ECPAS: variants seen among roughly 807,000 people sequenced by gnomAD.
ECPAS encodes proteasome adapter and scaffold protein ECM29.
Under a neutral mutation model 255.1 loss-of-function variants are expected in ECPAS, and 70 were observed. The ratio of observed to expected loss-of-function variants is 0.27; its 90% confidence interval spans 0.23 to 0.33. The LOEUF (loss-of-function observed/expected upper bound fraction) is 0.33, where lower values mean the gene tolerates loss of function less well. ECPAS is among the 10% of genes least tolerant of loss of function. The probability of loss-of-function intolerance (pLI) is 1.00; values close to 1 mark genes in which losing one functional copy is unlikely to be tolerated. For missense variants in ECPAS, 1,817 were observed against 2,206.4 expected (o/e 0.82, Z 3.54); for synonymous variants, 784 against 775.0 (o/e 1.01, Z -0.19).
intron 39 of ECPAS, among the ~76,000 whole-genome samples, 175 bp downstream of exon 39, chr9:111,373,796 TG>T (rs201739220): frequency 0.024 from 3,611 of 152,248 alleles, 146 homozygotes; most frequent in African/African-American, 0.082. Context: ...CTGCTAAACT[TG>T]ATAAACTCTG....
intron 9 of ECPAS, among the ~76,000 whole-genome samples, chr9:111,429,203 TAA>T (rs1279086315): frequency 6.6e-6 from 1 of 152,216 alleles, no homozygotes. Context: ...ACTCTTCAAG[TAA>T]AGTCATTTTT....
At chr9:111,456,106 A>T (rs186170722) in intron 2 of ECPAS, among the ~76,000 whole-genome samples, 28 of 152,352 alleles carry the variant, frequency 1.8e-4, no homozygotes, top group Middle Eastern at 6.8e-3. Context: ...GTAGGAAACA[A>T]GTCTTTGGTG....
Position 111,411,198 on chromosome 9 carries a change from T to C in ECPAS, c.2215-56A>G, listed in dbSNP as rs1014953233. Reference sequence around the variant, plus strand: ...TGGCTCTCTCTCATATACGCAAGAATACATGGCAGTAACTGTGTGTCGATT... The same window carrying C: ...TGGCTCTCTCTCATATACGCAAGAACACATGGCAGTAACTGTGTGTCGATT... On this transcript the variant is annotated intron_variant, in intron 21 of 49. Coordinates refer to ENST00000684092, the MANE Select transcript of ECPAS (RefSeq NM_001364929.1). The C allele has an allele frequency of 3.9e-6, 6 of 1,536,088 alleles. No individual in the cohort carries two copies. The Admixed American group carries it at 6.9e-5, about 18-fold the overall frequency.
intron 38 of ECPAS, 130 bp from the exon 39 acceptor site, chr9:111,374,168 T>C (rs2098130740): frequency 5.0e-6 from 3 of 605,842 alleles, no homozygotes; most frequent in African/African-American, 1.8e-5. Flanking sequence ...CAGGACTCAA[T>C]ATAGAAAAAG....
chr9:111,445,645 G>A (rs903653186), intron 3 of ECPAS, among the ~76,000 whole-genome samples: 1 of 152,062 alleles, frequency 6.6e-6, no homozygotes, highest in Non-Finnish European at 1.5e-5. Flanking sequence ...AAATACTGAG[G>A]CATTTTTATT....
intron 7 of ECPAS, among the ~76,000 whole-genome samples, chr9:111,436,668 G>A (rs2098238603): frequency 6.6e-6 from 1 of 151,934 alleles, no homozygotes; most frequent in Admixed American, 6.6e-5. Flanking sequence ...AATGACAAAA[G>A]TTAAACATAT....
At chr9:111,384,901 T>G (rs1259627960) in intron 33 of ECPAS, among the ~76,000 whole-genome samples, 3 of 151,220 alleles carry the variant, frequency 2.0e-5, no homozygotes, top group African/African-American at 7.4e-5. Context: ...CTCCAATAAA[T>G]AAAGCAAAAA....
rs1394654786 is a variant in ECPAS at position 111,437,037 on chromosome 9, C to T, written c.611G>A (p.Gly204Glu). Reference protein sequence around the residue: ...SAQGSSSNSGGGSGIPQPPPG... With the variant: ...SAQGSSSNSGEGSGIPQPPPG... Reference sequence around the variant, plus strand: ...AGGAGGCTGTGGGATTCCAGAACCTCCGCCACTGTTTGAAGAAGAACCCTG... The same window carrying T: ...AGGAGGCTGTGGGATTCCAGAACCTTCGCCACTGTTTGAAGAAGAACCCTG... Residue 204 changes from glycine (G) to glutamate (E), a missense_variant, in exon 7 of 50, where the codon GGA becomes GAA. Around this residue, in one of 4 missense-constraint regions of ECPAS, gnomAD observed 573 missense variants for 716.2 expected, o/e 0.80. Coordinates refer to ENST00000684092, the MANE Select transcript of ECPAS (RefSeq NM_001364929.1). 1 of 1,613,016 alleles carries T rather than the reference C, an allele frequency of 6.2e-7. No individual in the cohort carries two copies. The highest frequency in any genetic ancestry group is 1.7e-5 in the Admixed American group (1 of 59,828).
chr9:111,461,979 G>C (rs763147390), intron 2 of ECPAS, among the ~76,000 whole-genome samples: 16 of 152,178 alleles, frequency 1.1e-4, no homozygotes, highest in Non-Finnish European at 1.5e-4. Flanking sequence ...TCACTCCCAT[G>C]ATTCAATCAT....
At chr9:111,479,216 G>A (rs1330465045) in intron 1 of ECPAS, among the ~76,000 whole-genome samples, 1 of 152,140 alleles carries the variant, frequency 6.6e-6, no homozygotes, top group Non-Finnish European at 1.5e-5. Context: ...AATATTTAGG[G>A]GGAAGGTGTG....
chr9:111,421,409 ATGTGTGTGTGTGTGTGTG>A (rs71372622), intron 15 of ECPAS, among the ~76,000 whole-genome samples: 47 of 143,430 alleles, frequency 3.3e-4, no homozygotes, highest in African/African-American at 1.2e-3. Context: ...TATTACATAT[ATGTGTGTGTGTGTGTGTG>A]TGTGTGTGTG....
intron 3 of ECPAS, among the ~76,000 whole-genome samples, chr9:111,446,876 A>C (rs1169271820): frequency 1.3e-5 from 2 of 152,210 alleles, no homozygotes; most frequent in Non-Finnish European, 2.9e-5. Flanking sequence ...GTGAGACATG[A>C]TACCTTCCAA....
chr9:111,418,584 T>C (rs2131774242), intron 16 of ECPAS, among the ~76,000 whole-genome samples: 1 of 152,266 alleles, frequency 6.6e-6, no homozygotes, highest in South Asian at 2.1e-4. Context: ...AAACAACACA[T>C]AAAGGGCCGA....
intron 15 of ECPAS, among the ~76,000 whole-genome samples, chr9:111,421,188 C>T (rs2098213072): frequency 6.6e-6 from 1 of 152,128 alleles, no homozygotes; most frequent in Non-Finnish European, 1.5e-5. Context: ...TATAATAGCA[C>T]ATTTAACCCT....
chr9:111,431,833 G>A (rs914998630), intron 8 of ECPAS, among the ~76,000 whole-genome samples: 6 of 152,058 alleles, frequency 3.9e-5, no homozygotes, highest in African/African-American at 7.2e-5. Flanking sequence ...CCACAATTCC[G>A]CTATCCTCAG....
chr9:111,395,769 T>C (rs936670673), intron 25 of ECPAS, among the ~76,000 whole-genome samples: 2 of 152,164 alleles, frequency 1.3e-5, no homozygotes, highest in African/African-American at 4.8e-5. Flanking sequence ...ACCTCTCACA[T>C]GCAACCTGAA....
intron 1 of ECPAS, among the ~76,000 whole-genome samples, chr9:111,482,482 T>C (rs1386812999): frequency 1.3e-5 from 2 of 152,186 alleles, no homozygotes; most frequent in Non-Finnish European, 2.9e-5. Flanking sequence ...CAGAAAAACA[T>C]ACATTACGTG....
chr9:111,416,410 T>C, intron 17 of ECPAS, 58 bp from the exon 18 acceptor site: 4 of 1,243,948 alleles, frequency 3.2e-6, no homozygotes, highest in Non-Finnish European at 4.7e-6. Context: ...ATACCTGCCC[T>C]TCCTCAACTC....
At chr9:111,443,047 AT>A (rs1274819365) in intron 4 of ECPAS, among the ~76,000 whole-genome samples, 2 of 152,300 alleles carry the variant, frequency 1.3e-5, no homozygotes, top group East Asian at 3.9e-4. Context: ...TCCTTGGGGC[AT>A]TGCAGATTTT....
Sources: allele counts gnomAD v4.1 joint callset (sites outside exome capture counted in the v4.1 genomes callset), GRCh38; gene constraint gnomAD v4.1.1; regional missense constraint gnomAD v4.1.1; transcripts MANE v1.5; gene names NCBI Gene and HGNC (gene_info 2026-07-23, HGNC 2026-07-21).